FXN: variants seen among roughly 807,000 people sequenced by gnomAD.
FXN encodes the protein frataxin.
In FXN, 14 loss-of-function variants were observed where a neutral mutation model predicts 22.4. That is an observed-to-expected ratio of 0.62 (90% CI 0.41 to 0.98). FXN has a LOEUF of 0.98. Ranked by LOEUF, FXN falls within the 50% of genes least tolerant of loss-of-function variation. FXN has a pLI of 0.00. For synonymous variants in FXN, 120 were observed against 114.1 expected (o/e 1.05, Z -0.33); for missense variants, 267 against 268.4 (o/e 0.99, Z 0.04).
intron 1 of FXN, among the ~76,000 whole-genome samples, chr9:69,037,284 A>AAAAAAAAAAAAAAAAGAAG (rs544093183): frequency 1.3e-5 from 1 of 78,060 alleles, no homozygotes; most frequent in African/African-American, 4.7e-5. Context: ...AAAAAAAAAA[A>AAAAAAAAAAAAAAAAGAAG]AAGAAGAAGA....
Position 69,077,657 on chromosome 9 carries a change from C to T in FXN, c.*4895C>T, listed in dbSNP as rs1200380207. 8.6e-5 allele frequency: 85 copies of T among 985,036 alleles called. No individual in the cohort carries two copies. Among genetic ancestry groups the T allele is most frequent in the Non-Finnish European group, 9.9e-5 (82 of 829,716 alleles). The allele number at this position is 985,036 out of a possible 1,614,324, so 61.0% of individuals were successfully genotyped here. A position where few individuals can be genotyped will look rare whatever the true frequency, so the allele number is the denominator to read the frequency against. ...AAATTGTTTAGCTCCTGGCCAGACA[C>T]GGTGGCTCACACCTGTAATCCCAGC... On this transcript the variant is annotated 3_prime_UTR_variant, in exon 5 of 5. Transcript: ENST00000484259.
chr9:69,075,951 T>G lies in FXN; in HGVS notation c.*3189T>G. On this transcript the variant is annotated 3_prime_UTR_variant, in exon 5 of 5. Coordinates refer to ENST00000484259, the MANE Select transcript of FXN (RefSeq NM_000144.5). ...AACACTTAGGCTCAAGTGATCCACC[T>G]GCCTCGTCCTCCCAAGATGCTGGGA... 1 of 876,380 alleles carries G rather than the reference T, an allele frequency of 1.1e-6. No individual in the cohort carries two copies. Among genetic ancestry groups the G allele is most frequent in the Non-Finnish European group, 1.4e-6 (1 of 731,060 alleles). The allele number at this position is 876,380 out of a possible 1,614,324, so 54.3% of individuals were successfully genotyped here. A position where few individuals can be genotyped will look rare whatever the true frequency, so the allele number is the denominator to read the frequency against.
At chr9:69,072,519 C>T (rs764987705) in intron 4 of FXN, 93 bp from the exon 5 acceptor site, 3 of 1,605,796 alleles carry the variant, frequency 1.9e-6, no homozygotes, top group Non-Finnish European at 2.5e-6. Context: ...GAGCTTTACT[C>T]CAGTCAATTT....
At position 69,074,197 on chromosome 9, in the gene FXN, CAATAT is replaced by C. The variant is rs1051814799; in HGVS notation, c.*1440_*1444del. ...AAACTCTGTCTCAAAATAATAATAA[CAATAT>C]AATAATAATAATAGCCATCCTTTAT... On this transcript the variant is annotated 3_prime_UTR_variant, in exon 5 of 5. Transcript: ENST00000484259. 9.7e-6 allele frequency: 8 copies of C among 823,656 alleles called. No individual in the cohort carries two copies. The African/African-American group carries it at 2.0e-4, about 21-fold the overall frequency. The allele number at this position is 823,656 out of a possible 1,614,324, so 51.0% of individuals were successfully genotyped here.
chr9:69,067,561 T>G (rs1467991798), intron 4 of FXN, among the ~76,000 whole-genome samples: 4 of 152,044 alleles, frequency 2.6e-5, no homozygotes, highest in African/African-American at 9.7e-5. Context: ...GTCCCCATAC[T>G]CTCTGTGGAA....
chr9:69,039,382 G>A (rs189937288), intron 1 of FXN, among the ~76,000 whole-genome samples: 133 of 152,270 alleles, frequency 8.7e-4, no homozygotes, highest in African/African-American at 3.0e-3. Flanking sequence ...CAGTAGCCAC[G>A]GGGGCTGGTG....
At chr9:69,057,207 A>C (rs1435064878) in intron 3 of FXN, among the ~76,000 whole-genome samples, 1 of 152,168 alleles carries the variant, frequency 6.6e-6, no homozygotes, top group East Asian at 1.9e-4. Flanking sequence ...TTTTTTTTAG[A>C]TATCTCTGGG....
chr9:69,071,603 C>T (rs1056887857), intron 4 of FXN, among the ~76,000 whole-genome samples: 3 of 152,252 alleles, frequency 2.0e-5, no homozygotes, highest in East Asian at 1.9e-4. Context: ...CACACGAATA[C>T]AGCATTCCCA....
chr9:69,042,239 GAAA>G (rs36033050), intron 1 of FXN, among the ~76,000 whole-genome samples: 3 of 136,254 alleles, frequency 2.2e-5, no homozygotes, highest in Admixed American at 7.4e-5. Context: ...CTCCGTCTCA[GAAA>G]AAAAAAAAAA....
intron 4 of FXN, among the ~76,000 whole-genome samples, chr9:69,069,611 T>C (rs1832236599): frequency 6.6e-6 from 1 of 152,212 alleles, no homozygotes; most frequent in African/African-American, 2.4e-5. Flanking sequence ...GTCTCCCCGC[T>C]TCCTGGCTAC....
At chr9:69,036,062 A>C in intron 1 of FXN, 115 bp downstream of exon 1, 1 of 921,478 alleles carries the variant, frequency 1.1e-6, no homozygotes, top group Non-Finnish European at 1.4e-6. Context: ...GCGCTGGACT[A>C]GCTCACCCCG....
chr9:69,062,051 G>C (rs1587826719), intron 3 of FXN, among the ~76,000 whole-genome samples: 1 of 152,212 alleles, frequency 6.6e-6, no homozygotes, highest in Admixed American at 6.5e-5. Flanking sequence ...GAATTAGATA[G>C]TGGTGATGTT....
At chr9:69,036,250 A>G (rs1399962329) in intron 1 of FXN, 1 of 212,828 alleles carries the variant, frequency 4.7e-6, no homozygotes, top group East Asian at 1.1e-4. Context: ...ACCGGTTCCG[A>G]GGGGTGTGCG....
At chr9:69,057,793 C>T (rs1450586573) in intron 3 of FXN, among the ~76,000 whole-genome samples, 1 of 152,018 alleles carries the variant, frequency 6.6e-6, no homozygotes, top group Non-Finnish European at 1.5e-5. Flanking sequence ...CAAGCAGACA[C>T]GGTCCTTCCT....
At chr9:69,064,676 T>A (rs1445355566) in intron 3 of FXN, among the ~76,000 whole-genome samples, 1 of 152,160 alleles carries the variant, frequency 6.6e-6, no homozygotes, top group East Asian at 1.9e-4. Context: ...TCACCACCAT[T>A]CTCACCTTGC....
Position 69,074,483 on chromosome 9 carries a change from G to T in FXN, c.*1721G>T. 1.0e-6 allele frequency: 1 copy of T among 980,530 alleles called. No homozygotes were observed. The highest frequency in any genetic ancestry group is 1.2e-6 in the Non-Finnish European group (1 of 826,796). 60.7% of individuals were successfully genotyped at this position (980,530 alleles called of 1,614,324 possible). A position where few individuals can be genotyped will look rare whatever the true frequency, so the allele number is the denominator to read the frequency against. ...CAGGCGGAGGAGGTTACAGTGAGTC[G>T]AGATCGTACCTGAGCGACAGAGCGA... On this transcript the variant is annotated 3_prime_UTR_variant, in exon 5 of 5. Coordinates refer to ENST00000484259, the MANE Select transcript of FXN (RefSeq NM_000144.5).
At chr9:69,046,036 G>A (rs540627159) in intron 1 of FXN, among the ~76,000 whole-genome samples, 23 of 152,292 alleles carry the variant, frequency 1.5e-4, no homozygotes, top group Admixed American at 2.6e-4. Context: ...TGAAAGTTCC[G>A]TGATGGGTTT....
chr9:69,068,524 G>T (rs1832215737), intron 4 of FXN, among the ~76,000 whole-genome samples: 1 of 152,238 alleles, frequency 6.6e-6, no homozygotes, highest in African/African-American at 2.4e-5. Context: ...CAGAGGGCCT[G>T]CTGGCCGCCA....
chr9:69,042,275 A>G (rs537989397), intron 1 of FXN, among the ~76,000 whole-genome samples: 75 of 150,326 alleles, frequency 5.0e-4, no homozygotes, highest in African/African-American at 1.7e-3. Context: ...TCATCCTATG[A>G]CCTTGACCTC....
Sources: allele counts gnomAD v4.1 joint callset (sites outside exome capture counted in the v4.1 genomes callset), GRCh38; gene constraint gnomAD v4.1.1; transcripts MANE v1.5; gene names NCBI Gene and HGNC (gene_info 2026-07-23, HGNC 2026-07-21).